PMM1: variants seen among roughly 807,000 people sequenced by gnomAD.
PMM1 encodes phosphomannomutase 1.
PMM1 carries 25 observed loss-of-function variants against 34.0 expected under a neutral mutation model. The ratio of observed to expected loss-of-function variants is 0.73; its 90% CI spans 0.54 to 1.03. The LOEUF is 1.03. PMM1 is among the 50% of genes least tolerant of loss of function. The pLI, the probability that PMM1 is intolerant of heterozygous loss-of-function variation, is 0.00. For missense variants in PMM1, 321 were observed against 350.1 expected (o/e 0.92, Z 0.66); for synonymous variants, 134 against 143.9 (o/e 0.93, Z 0.49).
At chr22:41,578,641 A>G (rs889213148) in intron 6 of PMM1, among the ~76,000 whole-genome samples, 165 bp downstream of exon 6, 2 of 152,052 alleles carry the variant, frequency 1.3e-5, no homozygotes, top group African/African-American at 4.8e-5. Context: ...GGGGGCCAGT[A>G]AACACTGAAC....
At chr22:41,582,356 G>A (rs1317094624) in intron 5 of PMM1, among the ~76,000 whole-genome samples, 1 of 152,086 alleles carries the variant, frequency 6.6e-6, no homozygotes, top group African/African-American at 2.4e-5. Flanking sequence ...CTACTCAGGA[G>A]GCTGAGGTGT....
chr22:41,584,475 C>T (rs1485198085), intron 3 of PMM1, 52 bp downstream of exon 3: 2 of 1,576,546 alleles, frequency 1.3e-6, no homozygotes, highest in African/African-American at 1.3e-5. Flanking sequence ...CCTTGGACTG[C>T]TCCACTATGG....
intron 1 of PMM1, among the ~76,000 whole-genome samples, chr22:41,587,141 C>T (rs1180172345): frequency 1.8e-4 from 27 of 151,688 alleles, no homozygotes; most frequent in African/African-American, 4.8e-4. Flanking sequence ...TGGTGGCACG[C>T]GCCTGTAGTC....
At position 41,577,368 on chromosome 22, in the gene PMM1, C is replaced by G. The variant is rs778356080; in HGVS notation, c.739G>C (p.Val247Leu). The part of the protein sequence containing the change: ...GHSVVSPQDT[V>L]QRCREIFFPE... ...AAGAAAATCTCCCGGCATCGCTGCA[C>G]CGTGTCCTGAGGAGACACCACGCTG... The change falls in exon 8 of 8, where the codon GTG becomes CTG. Residue 247 changes from valine to leucine, a missense_variant. Transcript: ENST00000216259. 3.1e-6 allele frequency: 5 copies of G among 1,612,912 alleles called. No homozygotes were observed. Among genetic ancestry groups the G allele is most frequent in the Non-Finnish European group, 4.2e-6 (5 of 1,180,036 alleles).
intron 6 of PMM1, among the ~76,000 whole-genome samples, chr22:41,578,563 G>A (rs1183929880): frequency 6.6e-6 from 1 of 152,104 alleles, no homozygotes; most frequent in Non-Finnish European, 1.5e-5. Flanking sequence ...GAGAGGCTCT[G>A]GTTTTTTGGC....
intron 5 of PMM1, among the ~76,000 whole-genome samples, chr22:41,580,897 A>C (rs1256544710): frequency 6.6e-6 from 1 of 152,096 alleles, no homozygotes; most frequent in African/African-American, 2.4e-5. Flanking sequence ...AGGGCGGATC[A>C]CAAGGTTAAG....
At chr22:41,588,519 T>A (rs1427719903) in intron 1 of PMM1, 1 of 406,432 alleles carries the variant, frequency 2.5e-6, no homozygotes, top group East Asian at 1.6e-4. Flanking sequence ...GAACCCAGCC[T>A]AATTTTTGTA....
chr22:41,587,073 C>T (rs933934993), intron 1 of PMM1, among the ~76,000 whole-genome samples: 1 of 151,562 alleles, frequency 6.6e-6, no homozygotes. Flanking sequence ...TGAGACCATC[C>T]TGGCTAACAT....
intron 1 of PMM1, chr22:41,588,985 A>AG: frequency 8.7e-7 from 1 of 1,149,304 alleles, no homozygotes; most frequent in South Asian, 1.3e-5. Context: ...ACCCAATGGG[A>AG]GAAAAACTGA....
chr22:41,578,944 G>T, intron 5 of PMM1, 63 bp from the exon 6 acceptor site: 1 of 1,429,246 alleles, frequency 7.0e-7, no homozygotes, highest in Non-Finnish European at 9.9e-7. Flanking sequence ...CCCTGGCTGG[G>T]CACACAGTCC....
chr22:41,584,478 C>T (rs753326857), intron 3 of PMM1, 49 bp downstream of exon 3: 44 of 1,578,874 alleles, frequency 2.8e-5, no homozygotes, highest in Admixed American at 1.3e-4. Context: ...TGGACTGCTC[C>T]ACTATGGAAA....
chr22:41,589,412 G>T, intron 1 of PMM1: 2 of 503,130 alleles, frequency 4.0e-6, no homozygotes, highest in South Asian at 4.1e-5. Flanking sequence ...CCAGGCCTTA[G>T]CGGCGTGTGA....
chr22:41,577,165 G>A lies in PMM1; in HGVS notation c.*153C>T, dbSNP rs556695566. 34 of 992,528 alleles carry A rather than the reference G, an allele frequency of 3.4e-5. 1 individual carries two copies. The highest frequency in any genetic ancestry group is 2.2e-4 in the African/African-American group (14 of 63,430). The allele number at this position is 992,528 out of a possible 1,614,324, so 61.5% of individuals were successfully genotyped here. ...CACTAGGAGCAGACTGGCTGGGGAC[G>A]GTTGTCCACACAGACTCTGGCCCCA... is the stretch of plus-strand genomic sequence containing the variant. On this transcript the variant is annotated 3_prime_UTR_variant, in exon 8 of 8. Transcript: ENST00000216259.
At chr22:41,584,434 G>C (rs1448389849) in intron 3 of PMM1, 62 bp from the exon 4 acceptor site, 6 of 1,567,770 alleles carry the variant, frequency 3.8e-6, no homozygotes, top group Non-Finnish European at 5.3e-6. Context: ...GACAGGCACA[G>C]TGTCTCTCCC....
chr22:41,587,139 C>T (rs1032803685), intron 1 of PMM1, among the ~76,000 whole-genome samples: 8 of 150,616 alleles, frequency 5.3e-5, no homozygotes, highest in African/African-American at 1.7e-4. Flanking sequence ...CGTGGTGGCA[C>T]GCGCCTGTAG....
At position 41,589,553 on chromosome 22, in the gene PMM1, C is replaced by T. The variant is rs2067355958; in HGVS notation, c.87+166G>A. 37 of 622,662 alleles carry T rather than the reference C, an allele frequency of 5.9e-5. 1 individual carries two copies. In the South Asian group the frequency reaches 6.8e-4, roughly 12 times the overall value. The allele number at this position is 622,662 out of a possible 1,614,324, so 38.6% of individuals were successfully genotyped here. ...GGGGTCAGTGACGTGAGGGCCAGGT[C>T]CCCTCACTCCCGGTGGGTGGCCCCG... On this transcript the variant is annotated intron_variant, in intron 1 of 7. Coordinates refer to ENST00000216259, the MANE Select transcript of PMM1 (RefSeq NM_002676.3).
At position 41,577,355 on chromosome 22, in the gene PMM1, C is replaced by T. The variant is rs150005152; in HGVS notation, c.752G>A (p.Arg251Gln). Residue 251 changes from arginine (R) to glutamine (Q), a missense_variant, in exon 8 of 8, where the codon CGG becomes CAG. Transcript: ENST00000216259. ...AGCTGTCTCTGGGAAGAAAATCTCC[C>T]GGCATCGCTGCACCGTGTCCTGAGG... Reference protein sequence around the residue: ...VSPQDTVQRCREIFFPETAHE... With the variant: ...VSPQDTVQRCQEIFFPETAHE... 5.0e-5 allele frequency: 80 copies of T among 1,613,016 alleles called. No homozygotes were observed. The highest frequency in any genetic ancestry group is 5.8e-5 in the Non-Finnish European group (68 of 1,180,016).
chr22:41,577,447 A>G lies in PMM1; in HGVS notation c.667-7T>C. The G allele has an allele frequency of 1.2e-6, 2 of 1,609,384 alleles. No homozygotes were observed. Among genetic ancestry groups the G allele is most frequent in the Non-Finnish European group, 1.7e-6 (2 of 1,179,304 alleles). On this transcript the variant is annotated splice_region_variant and splice_polypyrimidine_tract_variant and intron_variant, in intron 7 of 7. Transcript: ENST00000216259. Reference sequence around the variant, plus strand: ...TCTCAAAGTCGTTCCCACCCTGCACACAGAGGATGGGCAGAGGAGGGATAT... The same window carrying G: ...TCTCAAAGTCGTTCCCACCCTGCACGCAGAGGATGGGCAGAGGAGGGATAT...
chr22:41,587,274 A>G (rs1475230340), intron 1 of PMM1, among the ~76,000 whole-genome samples: 2 of 148,124 alleles, frequency 1.4e-5, no homozygotes, highest in African/African-American at 5.0e-5. Context: ...CGTCTCAAAA[A>G]AAAAAAGAAA....
Sources: allele counts gnomAD v4.1 joint callset (sites outside exome capture counted in the v4.1 genomes callset), GRCh38; gene constraint gnomAD v4.1.1; transcripts MANE v1.5; gene names NCBI Gene and HGNC (gene_info 2026-07-23, HGNC 2026-07-21).